RILPL1: variants seen among roughly 807,000 people sequenced by gnomAD.
RILPL1 encodes the protein Rab interacting lysosomal protein like 1.
Under a neutral mutation model 50.3 loss-of-function variants are expected in RILPL1, and 33 were observed. That is an observed-to-expected ratio of 0.66 (90% confidence interval 0.50 to 0.88). The LOEUF is 0.88. Among genes scored for constraint, RILPL1 ranks in the 40% least tolerant of loss-of-function variants. The pLI, the probability that RILPL1 is intolerant of heterozygous loss-of-function variation, is 0.00. For synonymous variants in RILPL1, 205 were observed against 228.6 expected, an observed-to-expected ratio of 0.90 and a Z score of 0.93; for missense variants, 418 against 542.5, an observed-to-expected ratio of 0.77 and a Z score of 2.28.
chr12:123,488,162 G>A (rs1293347146), intron 4 of RILPL1, among the ~76,000 whole-genome samples: 2 of 152,046 alleles, frequency 1.3e-5, no homozygotes, highest in Admixed American at 6.6e-5. Context: ...CCATAGGCCC[G>A]GCACCGTGGC....
intron 2 of RILPL1, among the ~76,000 whole-genome samples, chr12:123,501,140 A>T (rs1462323785): frequency 6.6e-6 from 1 of 151,528 alleles, no homozygotes; most frequent in African/African-American, 2.4e-5. Context: ...TTTAAAAATA[A>T]AATAAAATAA....
At chr12:123,487,347 G>A (rs60368592) in intron 4 of RILPL1, among the ~76,000 whole-genome samples, 1 of 151,630 alleles carries the variant, frequency 6.6e-6, no homozygotes, top group Non-Finnish European at 1.5e-5. Flanking sequence ...CTGTCACCCA[G>A]GCTGGAGTGC....
In RILPL1 at chr12:123,470,952, T is replaced by TTTGAG. The variant is rs1881161934; in HGVS notation, c.*1581_*1585dup. 6.6e-6 allele frequency: 1 copy of TTTGAG among 152,182 alleles called. No homozygotes were observed. Among genetic ancestry groups the TTTGAG allele is most frequent in the Non-Finnish European group, 1.5e-5 (1 of 68,042 alleles). 9.4% of individuals were successfully genotyped at this position (152,182 alleles called of 1,614,324 possible). A position where few individuals can be genotyped will look rare whatever the true frequency, so the allele number is the denominator to read the frequency against. On this transcript the variant is annotated 3_prime_UTR_variant, in exon 7 of 7. Transcript: ENST00000376874. ...CTAATAATTCTAATGGGCACTCAGG[T>TTTGAG]TTGAGAAACACTGCTCTAACGCAGC...
intron 1 of RILPL1, among the ~76,000 whole-genome samples, chr12:123,532,641 C>T (rs1186575299): frequency 7.2e-6 from 1 of 139,250 alleles, no homozygotes; most frequent in Non-Finnish European, 1.5e-5. Context: ...AATATGAACC[C>T]GAAGACTAGG....
chr12:123,504,117 A>C lies in RILPL1; in HGVS notation c.461-4581T>G, dbSNP rs1481484925. Among the ~76,000 whole-genome samples the C allele has an allele frequency of 1.3e-5, 2 of 152,022 alleles. 1 individual carries two copies. The highest frequency in any genetic ancestry group is 1.3e-4 in the Admixed American group (2 of 15,260). On this transcript the variant is annotated intron_variant, in intron 2 of 6. Transcript: ENST00000376874. Reference sequence around the variant, plus strand: ...TAGGACCTGATATTTTGGGGCCATTATTCAGCCTTCCGTAGGTGCTGGGGC... The same window carrying C: ...TAGGACCTGATATTTTGGGGCCATTCTTCAGCCTTCCGTAGGTGCTGGGGC...
Position 123,533,493 on chromosome 12 carries a change from C to G in RILPL1, c.-11G>C, listed in dbSNP as rs995497790. On this transcript the variant is annotated 5_prime_UTR_variant, in exon 1 of 7. Transcript: ENST00000376874. This position sits in a 1 kb window ranked among gnomAD's most constrained non-coding sequence, Gnocchi z 6.2. ...CCGCTCCTCCTCCATGGCCACCCTCCTGGCCTGTCCCCCGCCCCGCAAACT... is the reference window on the plus strand; with the variant it reads ...CCGCTCCTCCTCCATGGCCACCCTCGTGGCCTGTCCCCCGCCCCGCAAACT... 2.7e-6 allele frequency: 4 copies of G among 1,499,582 alleles called. No individual in the cohort carries two copies. The African/African-American group carries it at 5.6e-5, about 21-fold the overall frequency. 92.9% of individuals were successfully genotyped at this position (1,499,582 alleles called of 1,614,324 possible).
At chr12:123,510,072 G>A (rs1026739592) in intron 2 of RILPL1, among the ~76,000 whole-genome samples, 1 of 152,210 alleles carries the variant, frequency 6.6e-6, no homozygotes, top group African/African-American at 2.4e-5. Context: ...GTGTCAGCAG[G>A]TGGCCGCAGG....
At chr12:123,511,094 T>C (rs1490214064) in intron 2 of RILPL1, among the ~76,000 whole-genome samples, 1 of 141,596 alleles carries the variant, frequency 7.1e-6, no homozygotes, top group Non-Finnish European at 1.5e-5. Context: ...GTGTGTGGTG[T>C]GTGTGTTAGG....
At chr12:123,481,003 T>C (rs1030083518) in intron 6 of RILPL1, among the ~76,000 whole-genome samples, 2 of 152,296 alleles carry the variant, frequency 1.3e-5, no homozygotes, top group East Asian at 1.9e-4. Flanking sequence ...ATGGGACTCA[T>C]TTCTGTGACT....
chr12:123,509,132 G>C (rs935941423), intron 2 of RILPL1, among the ~76,000 whole-genome samples: 4 of 142,478 alleles, frequency 2.8e-5, no homozygotes, highest in Non-Finnish European at 6.0e-5. Context: ...GTGAGACTCC[G>C]TCTCAAAACA....
At position 123,475,791 on chromosome 12, in the gene RILPL1, C is replaced by T. The variant is rs375486495; in HGVS notation, c.1068-3109G>A. 4.1e-4 allele frequency: 545 copies of T among 1,321,104 alleles called. 2 individuals carry two copies. The highest frequency in any genetic ancestry group is 1.0e-4 in the African/African-American group (7 of 68,974). The allele number at this position is 1,321,104 out of a possible 1,614,324, so 81.8% of individuals were successfully genotyped here. On this transcript the variant is annotated intron_variant, in intron 6 of 6. Transcript: ENST00000376874. Reference sequence around the variant, plus strand: ...CAGATAGACACAGAGAAGATAAAAACGGGAGGCATGAAAAAGAAACAAACT... The same window carrying T: ...CAGATAGACACAGAGAAGATAAAAATGGGAGGCATGAAAAAGAAACAAACT...
intron 6 of RILPL1, chr12:123,475,648 A>G: frequency 6.4e-7 from 1 of 1,557,546 alleles, no homozygotes; most frequent in Non-Finnish European, 8.7e-7. Flanking sequence ...AACCCAAAAC[A>G]CACACAGTGC....
chr12:123,481,421 C>T (rs1004740626), intron 6 of RILPL1, among the ~76,000 whole-genome samples: 1 of 152,030 alleles, frequency 6.6e-6, no homozygotes, highest in African/African-American at 2.4e-5. Flanking sequence ...TGCTGCCATC[C>T]TCAGGCTGGA....
chr12:123,512,099 CTGTGTGTGGTGTGTGAGGTTTGTG>C (rs1884333116), intron 2 of RILPL1, among the ~76,000 whole-genome samples: 1 of 41,906 alleles, frequency 2.4e-5, no homozygotes. Context: ...TGTGTGAGGT[CTGTGTGTGGTGTGTGAGGTTTGTG>C]TGTGTGTGGT....
At chr12:123,501,458 A>G (rs1883376664) in intron 2 of RILPL1, among the ~76,000 whole-genome samples, 1 of 151,116 alleles carries the variant, frequency 6.6e-6, no homozygotes, top group African/African-American at 2.4e-5. Flanking sequence ...AAACAAACAA[A>G]CAAACAAACA....
Position 123,498,058 on chromosome 12 carries a change from A to G in RILPL1, c.801+486T>C, listed in dbSNP as rs1883141875. 6.6e-6 allele frequency among the ~76,000 whole-genome samples: 1 copy of G among 152,218 alleles called. No homozygotes were observed. Among genetic ancestry groups the G allele is most frequent in the Non-Finnish European group, 1.5e-5 (1 of 68,036 alleles). ...ATTTTATCCTCTGGGCCGGCTACAC[A>G]GTCAACAATCATTGGTATGAATGAA... On this transcript the variant is annotated intron_variant, in intron 4 of 6. Transcript: ENST00000376874. This position sits in a 1 kb window ranked among gnomAD's most constrained non-coding sequence, Gnocchi z 4.3.
chr12:123,486,727 C>T (rs1237085169), intron 4 of RILPL1, among the ~76,000 whole-genome samples: 3 of 152,140 alleles, frequency 2.0e-5, no homozygotes, highest in Non-Finnish European at 4.4e-5. Flanking sequence ...GCAACCTCCA[C>T]TCCTTGGCTT....
At chr12:123,512,068 GAGGTC>G (rs1884324824) in intron 2 of RILPL1, among the ~76,000 whole-genome samples, 1 of 135,034 alleles carries the variant, frequency 7.4e-6, no homozygotes, top group Admixed American at 7.4e-5. Context: ...TGTGGTGTGT[GAGGTC>G]TGTGTGTGTG....
chr12:123,487,408 T>C (rs1882414031), intron 4 of RILPL1, among the ~76,000 whole-genome samples: 1 of 152,126 alleles, frequency 6.6e-6, no homozygotes, highest in South Asian at 2.1e-4. Context: ...GTTCAAGCGA[T>C]TCTTCCGCCT....
Sources: allele counts gnomAD v4.1 joint callset (sites outside exome capture counted in the v4.1 genomes callset), GRCh38; gene constraint gnomAD v4.1.1; non-coding constraint Gnocchi (gnomAD v3.1); transcripts MANE v1.5; gene names NCBI Gene and HGNC (gene_info 2026-07-23, HGNC 2026-07-21).